The following ZFYVE9 variants were observed in gnomAD, a reference collection of about 807,000 sequenced individuals.
ZFYVE9 encodes the protein zinc finger FYVE-type containing 9, also known as zinc finger FYVE domain-containing protein 9.
In ZFYVE9, 43 loss-of-function variants were observed where a neutral mutation model predicts 126.7. The observed-to-expected ratio is 0.34, with a 90% CI of 0.27 to 0.44. The LOEUF is 0.44. Ranked by LOEUF, ZFYVE9 falls within the 20% of genes least tolerant of loss-of-function variation. The pLI is 1.00. For synonymous variants in ZFYVE9, 521 were observed against 597.4 expected (o/e 0.87, Z 1.87); for missense variants, 1,476 against 1,697.0 (o/e 0.87, Z 2.29).
intron 4 of ZFYVE9, chr1:52,252,251 C>T (rs1284032333): frequency 6.4e-6 from 1 of 155,508 alleles, no homozygotes; most frequent in Non-Finnish European, 1.4e-5. Context: ...TTCAAACATA[C>T]CTCTGTAATA....
chr1:52,208,568 C>G (rs1387792450), intron 1 of ZFYVE9, among the ~76,000 whole-genome samples: 1 of 149,046 alleles, frequency 6.7e-6, no homozygotes, highest in Non-Finnish European at 1.5e-5. Flanking sequence ...ATGGCGTGAT[C>G]TTGGCCTGGC....
At chr1:52,243,055 A>G (rs1645350739) in intron 4 of ZFYVE9, among the ~76,000 whole-genome samples, 1 of 152,196 alleles carries the variant, frequency 6.6e-6, no homozygotes, top group Non-Finnish European at 1.5e-5. Context: ...CTTTGTATCC[A>G]GCATCCAGCA....
Position 52,337,775 on chromosome 1 carries a change from G to C in ZFYVE9, c.3674G>C (p.Gly1225Ala). The change falls in exon 16 of 19, where the codon GGT (glycine) becomes GCT (alanine). Residue 1225 changes from glycine to alanine, a missense_variant. By Grantham distance (60) the Gly-to-Ala change is moderately conservative. Transcript: ENST00000287727. ...TTGGCTTTGTACTGATTCTTAGATG[G>C]TGTTATGGTCCAGATTACTGCAGAG... ...YLAKSSIVEDGVMVQITAENM... is the reference protein window; with the variant it reads ...YLAKSSIVEDAVMVQITAENM... 2 of 1,614,104 alleles carry C rather than the reference G, an allele frequency of 1.2e-6. No individual in the cohort carries two copies. The highest frequency in any genetic ancestry group is 1.7e-6 in the Non-Finnish European group (2 of 1,179,972).
chr1:52,327,551 C>T lies in ZFYVE9; in HGVS notation c.3439-5217C>T, dbSNP rs148249198. Among the ~76,000 whole-genome samples the T allele has an allele frequency of 7.9e-3, 1,191 of 151,228 alleles. 18 individuals are homozygous for T. Among genetic ancestry groups the T allele is most frequent in the African/African-American group, 0.027 (1,128 of 41,166 alleles). Reference sequence around the variant, plus strand: ...CGGGAGGCAAGAGGTTGCAGTGAGCCGAGATGGTGCCACTGCACTCCAGCC... The same window carrying T: ...CGGGAGGCAAGAGGTTGCAGTGAGCTGAGATGGTGCCACTGCACTCCAGCC... On this transcript the variant is annotated intron_variant, in intron 13 of 18. Transcript: ENST00000287727.
intron 1 of ZFYVE9, chr1:52,160,267 C>G (rs943661339): frequency 3.3e-6 from 3 of 902,198 alleles, no homozygotes; most frequent in Non-Finnish European, 5.6e-6. Flanking sequence ...TCAATTAAAT[C>G]TTTACAACAG....
intron 1 of ZFYVE9, among the ~76,000 whole-genome samples, chr1:52,171,015 T>C (rs181851784): frequency 6.6e-6 from 1 of 152,174 alleles, no homozygotes; most frequent in East Asian, 1.9e-4. Flanking sequence ...TTTTTTTTAA[T>C]TATACTTTAA....
intron 2 of ZFYVE9, among the ~76,000 whole-genome samples, chr1:52,228,264 G>A (rs1029293699): frequency 1.3e-5 from 2 of 152,052 alleles, no homozygotes; most frequent in Non-Finnish European, 2.9e-5. Flanking sequence ...ATTTTCTGTA[G>A]ATACGGAGTC....
intron 9 of ZFYVE9, among the ~76,000 whole-genome samples, 181 bp downstream of exon 9, chr1:52,278,795 C>T (rs527942468): frequency 3.3e-5 from 5 of 149,934 alleles, no homozygotes; most frequent in Admixed American, 1.3e-4. Flanking sequence ...GGCACCATCT[C>T]GGCTCACTGC....
At chr1:52,164,695 G>C (rs1465527923) in intron 1 of ZFYVE9, among the ~76,000 whole-genome samples, 1 of 152,110 alleles carries the variant, frequency 6.6e-6, no homozygotes, top group Admixed American at 6.5e-5. Context: ...ACATGCACTA[G>C]ACCAAGGCTA....
chr1:52,226,149 C>A (rs1222577234), intron 2 of ZFYVE9, among the ~76,000 whole-genome samples: 1 of 152,140 alleles, frequency 6.6e-6, no homozygotes, highest in African/African-American at 2.4e-5. Context: ...AACGAACTTT[C>A]TCCTTGGCAG....
chr1:52,263,418 C>T (rs1328379114), intron 4 of ZFYVE9, among the ~76,000 whole-genome samples: 4 of 152,220 alleles, frequency 2.6e-5, no homozygotes, highest in Admixed American at 6.5e-5. Context: ...CCTTTCCAAA[C>T]GGAAATAGCA....
chr1:52,302,921 C>G (rs1055121106), intron 12 of ZFYVE9, among the ~76,000 whole-genome samples: 2 of 151,978 alleles, frequency 1.3e-5, no homozygotes, highest in East Asian at 3.9e-4. Context: ...ACCAGTCTGG[C>G]CAACATGGTG....
intron 15 of ZFYVE9, among the ~76,000 whole-genome samples, chr1:52,336,190 G>A (rs537123711): frequency 2.6e-5 from 4 of 151,636 alleles, no homozygotes; most frequent in South Asian, 4.2e-4. Flanking sequence ...ATTGAAATAC[G>A]TAGATAATCT....
At chr1:52,310,318 G>T (rs963830178) in intron 13 of ZFYVE9, among the ~76,000 whole-genome samples, 3 of 152,096 alleles carry the variant, frequency 2.0e-5, no homozygotes, top group African/African-American at 4.8e-5. Flanking sequence ...TAAATATTTA[G>T]TATGTACCAG....
At chr1:52,277,310 A>G (rs1421579707) in intron 8 of ZFYVE9, among the ~76,000 whole-genome samples, 1 of 152,164 alleles carries the variant, frequency 6.6e-6, no homozygotes. Context: ...ATTAACAGGG[A>G]ACTAAATTGG....
intron 4 of ZFYVE9, among the ~76,000 whole-genome samples, chr1:52,240,021 A>G (rs950884820): frequency 8.5e-5 from 13 of 152,238 alleles, no homozygotes; most frequent in African/African-American, 3.1e-4. Flanking sequence ...GTTGAAAAAT[A>G]TTACACATAG....
At chr1:52,212,536 A>G (rs547132996) in intron 1 of ZFYVE9, among the ~76,000 whole-genome samples, 2 of 152,368 alleles carry the variant, frequency 1.3e-5, no homozygotes, top group Admixed American at 1.3e-4. Flanking sequence ...TTTGGTAACT[A>G]TATGAACCAC....
At chr1:52,182,258 G>T (rs1644716765) in intron 1 of ZFYVE9, among the ~76,000 whole-genome samples, 1 of 152,246 alleles carries the variant, frequency 6.6e-6, no homozygotes, top group Non-Finnish European at 1.5e-5. Flanking sequence ...GTGCCCAACA[G>T]CTCATTGAGA....
chr1:52,256,724 G>GTATA (rs766422229), intron 4 of ZFYVE9, among the ~76,000 whole-genome samples: 8,974 of 152,234 alleles, frequency 0.059, 299 homozygotes, highest in African/African-American at 0.079. Context: ...GTTTAAACAG[G>GTATA]TGTTTAGACA....
Sources: allele counts gnomAD v4.1 joint callset (sites outside exome capture counted in the v4.1 genomes callset), GRCh38; gene constraint gnomAD v4.1.1; transcripts MANE v1.5; gene names NCBI Gene and HGNC (gene_info 2026-07-23, HGNC 2026-07-21).